CACNB4: variants seen among roughly 807,000 people sequenced by gnomAD.
The protein encoded by CACNB4 is calcium voltage-gated channel auxiliary subunit beta 4.
In CACNB4, 32 loss-of-function variants were observed where a neutral mutation model predicts 71.2. The observed-to-expected ratio is 0.45, with a 90% CI of 0.34 to 0.60. The LOEUF (loss-of-function observed/expected upper bound fraction) is 0.60, where lower values mean the gene tolerates loss of function less well. Ranked by LOEUF, CACNB4 falls within the 20% of genes least tolerant of loss-of-function variation. CACNB4 has a pLI of 0.01. For synonymous variants in CACNB4, 231 were observed against 236.9 expected (o/e 0.97, Z 0.23); for missense variants, 464 against 647.9 (o/e 0.72, Z 3.08).
intron 2 of CACNB4, among the ~76,000 whole-genome samples, chr2:152,009,625 G>A (rs887948707): frequency 3.3e-5 from 5 of 152,168 alleles, no homozygotes; most frequent in African/African-American, 1.2e-4. Flanking sequence ...AGAAGAGGCA[G>A]GTATCAAGAT....
chr2:152,088,949 C>T (rs1458932149), intron 2 of CACNB4, among the ~76,000 whole-genome samples: 1 of 152,228 alleles, frequency 6.6e-6, no homozygotes, highest in Non-Finnish European at 1.5e-5. Context: ...TGCCCTAGCA[C>T]ACAGCTTGTC....
rs2099834344 is a variant in CACNB4 at position 151,833,951 on chromosome 2, A to ATATATACAATCCC, written c.*5167_*5168insGGGATTGTATATA. 1.3e-5 allele frequency: 2 copies of ATATATACAATCCC among 152,092 alleles called. No homozygotes were observed. The highest frequency in any genetic ancestry group is 4.1e-4 in the South Asian group (2 of 4,836). 9.4% of individuals were successfully genotyped at this position (152,092 alleles called of 1,614,324 possible). A position where few individuals can be genotyped will look rare whatever the true frequency, so the allele number is the denominator to read the frequency against. On this transcript the variant is annotated 3_prime_UTR_variant, in exon 14 of 14. Transcript: ENST00000539935. ...TTAATAACATCCCAGAAAATATTGT[A>ATATATACAATCCC]AGGCATATGAAAAATAGTATGCAAC... is the stretch of plus-strand genomic sequence containing the variant.
At chr2:151,924,042 A>T (rs2099859591) in intron 2 of CACNB4, among the ~76,000 whole-genome samples, 1 of 149,750 alleles carries the variant, frequency 6.7e-6, no homozygotes, top group African/African-American at 2.5e-5. Context: ...ACATGCATAC[A>T]TACATACGTG....
chr2:151,928,978 T>C (rs566817383), intron 2 of CACNB4, among the ~76,000 whole-genome samples: 49 of 151,776 alleles, frequency 3.2e-4, no homozygotes, highest in African/African-American at 1.2e-3. Context: ...ACTCAACAAA[T>C]AGTTCTTCAC....
chr2:151,842,136 C>G (rs181914658), intron 12 of CACNB4, 48 bp from the exon 13 acceptor site: 2 of 1,504,722 alleles, frequency 1.3e-6, no homozygotes, highest in African/African-American at 2.8e-5. Flanking sequence ...AGGTTTTAGG[C>G]AATGAAACCT....
intron 2 of CACNB4, among the ~76,000 whole-genome samples, chr2:151,930,246 G>C (rs2099861303): frequency 6.6e-6 from 1 of 152,160 alleles, no homozygotes; most frequent in Non-Finnish European, 1.5e-5. Context: ...AAACTGAAGT[G>C]GGATAAGGAG....
At chr2:152,090,798 C>T (rs941872296) in intron 2 of CACNB4, among the ~76,000 whole-genome samples, 1 of 152,094 alleles carries the variant, frequency 6.6e-6, no homozygotes, top group Non-Finnish European at 1.5e-5. Context: ...GTAATCCTAG[C>T]ACTTTGGGTG....
At chr2:152,046,663 C>T (rs536372100) in intron 2 of CACNB4, among the ~76,000 whole-genome samples, 1 of 152,264 alleles carries the variant, frequency 6.6e-6, no homozygotes, top group Non-Finnish European at 1.5e-5. Context: ...TTTAAGATGT[C>T]GCCCTAAGCA....
At chr2:151,975,571 G>A (rs572551020) in intron 2 of CACNB4, among the ~76,000 whole-genome samples, 2 of 152,158 alleles carry the variant, frequency 1.3e-5, no homozygotes, top group African/African-American at 4.8e-5. Context: ...GGATTCCATA[G>A]AGAGAAACCC....
At chr2:151,844,223 T>C (rs773467849) in intron 12 of CACNB4, among the ~76,000 whole-genome samples, 1 of 152,162 alleles carries the variant, frequency 6.6e-6, no homozygotes, top group Non-Finnish European at 1.5e-5. Flanking sequence ...AGTATTAAAA[T>C]CCATAATAAT....
chr2:151,980,363 C>T (rs899695541), intron 2 of CACNB4, among the ~76,000 whole-genome samples: 1 of 152,148 alleles, frequency 6.6e-6, no homozygotes, highest in African/African-American at 2.4e-5. Flanking sequence ...CCAAGTTGGC[C>T]TTCTTGGACA....
intron 3 of CACNB4, 51 bp from the exon 4 acceptor site, chr2:151,880,973 A>T: frequency 6.6e-7 from 1 of 1,522,776 alleles, no homozygotes; most frequent in Non-Finnish European, 8.8e-7. Context: ...AGAGAGGAGC[A>T]TTTTTCATAT....
intron 2 of CACNB4, among the ~76,000 whole-genome samples, chr2:151,976,801 A>G (rs1270232119): frequency 6.6e-6 from 1 of 152,206 alleles, no homozygotes; most frequent in Non-Finnish European, 1.5e-5. Flanking sequence ...CAGGCTGAGA[A>G]GTAGTGAGAC....
Position 151,841,981 on chromosome 2 carries a change from T to C in CACNB4, c.1224A>G (p.Thr408=). ...TCCTTCCCAGCAGCGGGGTCATGGG[T>C]GTGCTACTGGTTGTGTGGGTGGCAC... ...YWRATHTTSS[T]PMTPLLGRNL... The change falls in exon 13 of 14, where the codon ACA becomes ACG. Residue 408 remains threonine, a synonymous_variant. Transcript: ENST00000539935. 2 of 1,613,870 alleles carry C rather than the reference T, an allele frequency of 1.2e-6. No individual in the cohort carries two copies. The highest frequency in any genetic ancestry group is 1.7e-6 in the Non-Finnish European group (2 of 1,179,838).
chr2:151,992,783 T>C (rs2151764877), intron 2 of CACNB4, among the ~76,000 whole-genome samples: 1 of 152,340 alleles, frequency 6.6e-6, no homozygotes, highest in South Asian at 2.1e-4. Flanking sequence ...CTAGAGAAAC[T>C]TGATGCTATG....
chr2:151,961,320 T>G (rs577082543), intron 2 of CACNB4, among the ~76,000 whole-genome samples: 7 of 152,370 alleles, frequency 4.6e-5, no homozygotes, highest in African/African-American at 1.4e-4. Flanking sequence ...CACAGAGACC[T>G]CTGGGTATTT....
chr2:152,006,079 A>C (rs1682708306), intron 2 of CACNB4, among the ~76,000 whole-genome samples: 1 of 152,258 alleles, frequency 6.6e-6, no homozygotes, highest in Non-Finnish European at 1.5e-5. Flanking sequence ...CTATTGACAC[A>C]GCCAGGAAGA....
chr2:151,863,508 C>G (rs2099842288), intron 9 of CACNB4, among the ~76,000 whole-genome samples: 1 of 152,206 alleles, frequency 6.6e-6, no homozygotes, highest in Non-Finnish European at 1.5e-5. Context: ...ATTCAACTTT[C>G]TAGACCAATG....
chr2:151,840,317 G>GA (rs1200903288), intron 13 of CACNB4, among the ~76,000 whole-genome samples: 3 of 152,168 alleles, frequency 2.0e-5, no homozygotes, highest in Non-Finnish European at 4.4e-5. Flanking sequence ...TTGTTACTGG[G>GA]AGAAGAAATA....
Sources: gnomAD v4.1 joint callset for allele counts (sites outside exome capture counted in the v4.1 genomes callset) on GRCh38, gnomAD v4.1.1 for gene constraint, MANE v1.5 for transcripts, NCBI Gene and HGNC (gene_info 2026-07-23, HGNC 2026-07-21) for gene names.